Variants in PDGFC observed in about 807,000 individuals in gnomAD.
PDGFC encodes platelet derived growth factor C.
Under a neutral mutation model 35.5 loss-of-function variants are expected in PDGFC, and 12 were observed. The observed-to-expected ratio is 0.34, with a 90% CI of 0.22 to 0.55. PDGFC has a LOEUF of 0.55. PDGFC is among the 20% of genes least tolerant of loss of function. The pLI is 0.91. For missense variants in PDGFC, 322 were observed against 412.4 expected (o/e 0.78, Z 1.90); for synonymous variants, 159 against 148.8 (o/e 1.07, Z -0.50).
Position 156,767,869 on chromosome 4 carries a change from G to T in PDGFC, c.825C>A (p.Leu275=). The stretch of plus-strand genomic sequence containing the variant: ...AGTTCCCACCACAGCGTTTAACCAG[G>T]AGACAACCTGGCCAGAAAATGGTAT... ...RTDTIFWPGC[L]LVKRCGGNCA... The change falls in exon 5 of 6, where the codon CTC becomes CTA. Residue 275 remains leucine (L), a synonymous_variant. Transcript: ENST00000502773. 1.9e-6 allele frequency: 3 copies of T among 1,613,280 alleles called. No homozygotes were observed. The highest frequency in any genetic ancestry group is 2.5e-6 in the Non-Finnish European group (3 of 1,179,382).
At chr4:156,774,871 A>G (rs1387876224) in intron 3 of PDGFC, among the ~76,000 whole-genome samples, 5 of 152,114 alleles carry the variant, frequency 3.3e-5, no homozygotes, top group Non-Finnish European at 5.9e-5. Context: ...GGTTTATGAC[A>G]TGATGTTACA....
intron 1 of PDGFC, among the ~76,000 whole-genome samples, chr4:156,917,450 G>A (rs1336633714): frequency 5.3e-5 from 8 of 152,152 alleles, no homozygotes; most frequent in Admixed American, 5.2e-4. Flanking sequence ...GTTATGATTT[G>A]TATGATTTCC....
intron 3 of PDGFC, among the ~76,000 whole-genome samples, chr4:156,805,702 T>A (rs1052188126): frequency 2.0e-5 from 3 of 152,090 alleles, no homozygotes; most frequent in African/African-American, 7.2e-5. Flanking sequence ...CAGTTAAGAC[T>A]TTTCTTGACA....
At position 156,793,534 on chromosome 4, in the gene PDGFC, C is replaced by CATATAT. The variant is rs66571528; in HGVS notation, c.495+17297_495+17302dup. The stretch of plus-strand genomic sequence containing the variant: ...TTTTATAATACATATGAATTATGTG[C>CATATAT]ATATATATATATATATATATATATA... On this transcript the variant is annotated intron_variant, in intron 3 of 5. Transcript: ENST00000502773. 9.1e-3 allele frequency among the ~76,000 whole-genome samples: 1,188 copies of CATATAT among 130,578 alleles called. 8 individuals carry two copies. The highest frequency in any genetic ancestry group is 0.033 in the South Asian group (128 of 3,900). The allele number at this position is 130,578 out of a possible 152,430, so 85.7% of individuals were successfully genotyped here.
At chr4:156,929,170 T>C (rs796613946) in intron 1 of PDGFC, among the ~76,000 whole-genome samples, 14 of 152,288 alleles carry the variant, frequency 9.2e-5, no homozygotes, top group African/African-American at 2.6e-4. Flanking sequence ...AGAAAAATTG[T>C]GCAAAATGGC....
intron 1 of PDGFC, among the ~76,000 whole-genome samples, chr4:156,860,224 C>T (rs937684539): frequency 1.3e-5 from 2 of 152,166 alleles, no homozygotes; most frequent in Non-Finnish European, 2.9e-5. Context: ...ACTTCCTTGT[C>T]TTCTGATCTC....
chr4:156,923,194 T>C (rs1245019621), intron 1 of PDGFC, among the ~76,000 whole-genome samples: 1 of 152,068 alleles, frequency 6.6e-6, no homozygotes, highest in Non-Finnish European at 1.5e-5. Context: ...CCCCACTAGA[T>C]CCCCTTACAG....
At chr4:156,969,432 A>C (rs928285855) in intron 1 of PDGFC, among the ~76,000 whole-genome samples, 1 of 152,250 alleles carries the variant, frequency 6.6e-6, no homozygotes, top group Non-Finnish European at 1.5e-5. Flanking sequence ...GAAGCACCAC[A>C]CTAATATTAG....
intron 1 of PDGFC, among the ~76,000 whole-genome samples, chr4:156,893,337 ATT>A (rs11365318): frequency 1.1e-3 from 162 of 147,430 alleles, no homozygotes; most frequent in Middle Eastern, 3.6e-3. Context: ...CTCTAACTAG[ATT>A]TTTTTTTTTT....
chr4:156,820,111 G>A (rs984767386), intron 2 of PDGFC, among the ~76,000 whole-genome samples: 5 of 152,192 alleles, frequency 3.3e-5, no homozygotes, highest in Non-Finnish European at 7.3e-5. Context: ...GCTTCTTATG[G>A]ATGGGCAAAC....
rs148040052 is a variant in PDGFC at position 156,890,230 on chromosome 4, A to G, written c.119-39814T>C. 4.0e-3 allele frequency among the ~76,000 whole-genome samples: 605 copies of G among 152,132 alleles called. 1 individual carries two copies. Among genetic ancestry groups the G allele is most frequent in the African/African-American group, 0.014 (581 of 41,506 alleles). On this transcript the variant is annotated intron_variant, in intron 1 of 5. Transcript: ENST00000502773. ...CAGCCAGGGATGTAATCAGAAAGGA[A>G]GAGATGCCTGAGCATTCATCCAGAA...
chr4:156,900,055 A>G (rs1730729636), intron 1 of PDGFC, among the ~76,000 whole-genome samples: 1 of 152,198 alleles, frequency 6.6e-6, no homozygotes, highest in African/African-American at 2.4e-5. Context: ...ATATTAAAGT[A>G]ATAAACAGAA....
chr4:156,935,628 C>T (rs1312099447), intron 1 of PDGFC, among the ~76,000 whole-genome samples: 1 of 152,150 alleles, frequency 6.6e-6, no homozygotes, highest in Non-Finnish European at 1.5e-5. Context: ...TTATGCAGCA[C>T]ATGACTATAT....
At chr4:156,865,729 A>C (rs1002710338) in intron 1 of PDGFC, among the ~76,000 whole-genome samples, 3 of 152,246 alleles carry the variant, frequency 2.0e-5, no homozygotes, top group African/African-American at 7.2e-5. Context: ...CCACAGGCAT[A>C]GATTGATGAC....
At chr4:156,873,727 A>G (rs1242792920) in intron 1 of PDGFC, among the ~76,000 whole-genome samples, 1 of 152,184 alleles carries the variant, frequency 6.6e-6, no homozygotes, top group Non-Finnish European at 1.5e-5. Context: ...CACCAGGGCT[A>G]ATGTGTTCAT....
intron 1 of PDGFC, among the ~76,000 whole-genome samples, chr4:156,881,658 C>A (rs1161087205): frequency 6.6e-6 from 1 of 151,976 alleles, no homozygotes; most frequent in Non-Finnish European, 1.5e-5. Flanking sequence ...TGGTGAAACC[C>A]TGTCTCTACT....
intron 1 of PDGFC, among the ~76,000 whole-genome samples, chr4:156,950,587 C>A (rs1273024038): frequency 6.6e-6 from 1 of 151,764 alleles, no homozygotes. Flanking sequence ...AATTAATATG[C>A]CTTTTCTCCT....
At chr4:156,887,660 T>A (rs1260594498) in intron 1 of PDGFC, among the ~76,000 whole-genome samples, 1 of 152,112 alleles carries the variant, frequency 6.6e-6, no homozygotes, top group East Asian at 1.9e-4. Context: ...ACTTATTCCG[T>A]GAATAGTTCA....
At chr4:156,947,424 A>C (rs1218877645) in intron 1 of PDGFC, among the ~76,000 whole-genome samples, 1 of 152,056 alleles carries the variant, frequency 6.6e-6, no homozygotes, top group Non-Finnish European at 1.5e-5. Flanking sequence ...CTCTGCAGAC[A>C]GTAGTTTTCA....
Sources: gnomAD v4.1 joint callset for allele counts (sites outside exome capture counted in the v4.1 genomes callset) on GRCh38, gnomAD v4.1.1 for gene constraint, MANE v1.5 for transcripts, NCBI Gene and HGNC (gene_info 2026-07-23, HGNC 2026-07-21) for gene names.